Variants in POLR3B observed in about 807,000 individuals in gnomAD.
POLR3B encodes RNA polymerase III subunit B.
In POLR3B, 96 loss-of-function variants were observed where a neutral mutation model predicts 147.4. The ratio of observed to expected loss-of-function variants is 0.65; its 90% confidence interval spans 0.55 to 0.77. The LOEUF (loss-of-function observed/expected upper bound fraction) is 0.77. Ranked by LOEUF, POLR3B falls within the 30% of genes least tolerant of loss-of-function variation. The pLI is 0.00. For missense variants in POLR3B, 1,036 were observed against 1,413.5 expected (o/e 0.73, Z 4.28); for synonymous variants, 461 against 485.9 (o/e 0.95, Z 0.67).
chr12:106,388,033 T>G (rs2036863358), intron 9 of POLR3B, among the ~76,000 whole-genome samples: 1 of 152,200 alleles, frequency 6.6e-6, no homozygotes, highest in Non-Finnish European at 1.5e-5. Context: ...TTGTTGATTA[T>G]AACCAACAAT....
intron 26 of POLR3B, among the ~76,000 whole-genome samples, chr12:106,503,765 G>A (rs1592782922): frequency 6.6e-6 from 1 of 152,224 alleles, no homozygotes; most frequent in Middle Eastern, 3.4e-3. Flanking sequence ...TGATAGTGAT[G>A]GTAATAGTAA....
intron 25 of POLR3B, 91 bp downstream of exon 25, chr12:106,497,009 C>A: frequency 7.7e-7 from 1 of 1,295,436 alleles, no homozygotes; most frequent in Non-Finnish European, 1.1e-6. Context: ...ATTAAGTATA[C>A]CTTCAGGCAA....
At chr12:106,489,009 G>GA (rs367723640) in intron 23 of POLR3B, among the ~76,000 whole-genome samples, 7 of 150,710 alleles carry the variant, frequency 4.6e-5, no homozygotes, top group South Asian at 2.1e-4. Flanking sequence ...GATGTGGAGA[G>GA]AAAAAAAAAG....
intron 10 of POLR3B, among the ~76,000 whole-genome samples, chr12:106,393,487 G>GA (rs1006758702): frequency 7.7e-6 from 1 of 130,582 alleles, no homozygotes; most frequent in Non-Finnish European, 1.6e-5. Flanking sequence ...CTCGTGTACA[G>GA]GTTTTGTGTG....
intron 10 of POLR3B, 142 bp from the exon 11 acceptor site, chr12:106,405,715 T>C: frequency 1.3e-6 from 1 of 773,906 alleles, no homozygotes; most frequent in Non-Finnish European, 2.2e-6. Context: ...ATGATAAACG[T>C]TGATTTTCAA....
chr12:106,369,726 C>T (rs770116023), intron 6 of POLR3B, 43 bp downstream of exon 6: 3 of 1,227,366 alleles, frequency 2.4e-6, no homozygotes, highest in South Asian at 1.2e-5. Context: ...GCCTGGATTC[C>T]AGCCCCATGA....
At chr12:106,403,092 T>A (rs1318665857) in intron 10 of POLR3B, among the ~76,000 whole-genome samples, 21 of 151,256 alleles carry the variant, frequency 1.4e-4, no homozygotes, top group Middle Eastern at 3.4e-3. Context: ...GAATCTACAA[T>A]GAACTCAAAC....
intron 16 of POLR3B, among the ~76,000 whole-genome samples, chr12:106,434,337 C>T (rs115625238): frequency 2.2e-4 from 33 of 152,146 alleles, no homozygotes; most frequent in African/African-American, 6.3e-4. Flanking sequence ...ATTCGTTTGA[C>T]GCATGATTTT....
rs946201577 is a variant in POLR3B, at chr12:106,363,777, ACTTTC to A, written c.73-88_73-84del. ...AAAATTATTCTTTTTGTTTTGATTT[ACTTTC>A]CTTTGCTTATTTTGGAACATTAAAA... On this transcript the variant is annotated intron_variant, in intron 1 of 27. Transcript: ENST00000228347. 11 of 1,009,834 alleles carry A rather than the reference ACTTTC, an allele frequency of 1.1e-5. No homozygotes were observed. In the African/African-American group the frequency reaches 1.5e-4, roughly 13 times the overall value. The allele number at this position is 1,009,834 out of a possible 1,614,324, so 62.6% of individuals were successfully genotyped here.
chr12:106,469,087 T>G (rs2038050875), intron 23 of POLR3B, among the ~76,000 whole-genome samples: 1 of 152,146 alleles, frequency 6.6e-6, no homozygotes, highest in African/African-American at 2.4e-5. Flanking sequence ...AGTCTCTTTG[T>G]AGGTCTCTAA....
chr12:106,423,697 A>T (rs2037399842), intron 12 of POLR3B, among the ~76,000 whole-genome samples: 1 of 152,120 alleles, frequency 6.6e-6, no homozygotes, highest in Admixed American at 6.5e-5. Flanking sequence ...ACGTTGGTTG[A>T]GGGCGGATCT....
chr12:106,405,852 T>C lies in POLR3B; in HGVS notation c.847-5T>C, dbSNP rs200536551. 6.2e-7 allele frequency: 1 copy of C among 1,612,906 alleles called. No individual in the cohort carries two copies. Among genetic ancestry groups the C allele is most frequent in the Non-Finnish European group, 8.5e-7 (1 of 1,179,014 alleles). ...TCAAACATTATTGTAATCTGTTTTT[T>C]ATAGGCATTAAAATATATAGGGAAC... On this transcript the variant is annotated splice_region_variant and splice_polypyrimidine_tract_variant and intron_variant, in intron 10 of 27. Transcript: ENST00000228347.
intron 12 of POLR3B, among the ~76,000 whole-genome samples, chr12:106,415,422 A>C (rs1459913332): frequency 6.6e-6 from 1 of 152,216 alleles, no homozygotes; most frequent in East Asian, 1.9e-4. Context: ...TGTGGTTGTC[A>C]CAGAGGGATG....
chr12:106,406,666 G>A (rs2037155630), intron 11 of POLR3B, among the ~76,000 whole-genome samples: 1 of 152,156 alleles, frequency 6.6e-6, no homozygotes. Context: ...GTAAGAGTAA[G>A]GGTTAGAACC....
At chr12:106,426,220 ATT>A (rs906931585) in intron 12 of POLR3B, among the ~76,000 whole-genome samples, 17 of 84,796 alleles carry the variant, frequency 2.0e-4, no homozygotes, top group South Asian at 1.3e-3. Flanking sequence ...AGGGCCTGCA[ATT>A]TGTGTGTGTG....
intron 27 of POLR3B, among the ~76,000 whole-genome samples, chr12:106,505,805 G>A (rs968644291): frequency 5.9e-5 from 9 of 152,116 alleles, no homozygotes; most frequent in African/African-American, 1.2e-4. Context: ...AGTCCCCATC[G>A]TAGTTTCCTT....
chr12:106,430,052 G>A (rs115495152), intron 13 of POLR3B, among the ~76,000 whole-genome samples: 1 of 152,134 alleles, frequency 6.6e-6, no homozygotes, highest in African/African-American at 2.4e-5. Flanking sequence ...TTCTGAGATG[G>A]TTGCTAGACA....
chr12:106,376,365 C>A lies in POLR3B; in HGVS notation c.411C>A (p.Pro137=). 6.2e-7 allele frequency: 1 copy of A among 1,608,172 alleles called. No homozygotes were observed. Among genetic ancestry groups the A allele is most frequent in the Non-Finnish European group, 8.5e-7 (1 of 1,175,608 alleles). Residue 137 remains proline, a synonymous_variant, in exon 7 of 28, where the codon CCC becomes CCA. Coordinates refer to ENST00000228347, the MANE Select transcript of POLR3B (RefSeq NM_018082.6). ...IRNALPIGRM[P]IMLRSSNCVL... ...TTTGTTTTATTTTATACAGAATGCCCATAATGCTACGTAGTTCAAACTGTG... is the reference window on the plus strand; with the variant it reads ...TTTGTTTTATTTTATACAGAATGCCAATAATGCTACGTAGTTCAAACTGTG...
intron 6 of POLR3B, among the ~76,000 whole-genome samples, chr12:106,372,547 G>T (rs1305857102): frequency 1.3e-5 from 2 of 151,730 alleles, no homozygotes; most frequent in African/African-American, 4.8e-5. Flanking sequence ...CACCACGTTG[G>T]CCAGGCTGGT....
Sources: allele counts gnomAD v4.1 joint callset (sites outside exome capture counted in the v4.1 genomes callset), GRCh38; gene constraint gnomAD v4.1.1; transcripts MANE v1.5; gene names NCBI Gene and HGNC (gene_info 2026-07-23, HGNC 2026-07-21).